CACNA1C: variants seen among roughly 807,000 people sequenced by gnomAD.
CACNA1C encodes voltage-dependent L-type calcium channel subunit alpha-1C.
A neutral mutation model predicts 229.0 loss-of-function variants in CACNA1C; 30 were observed. That is an observed-to-expected ratio of 0.13 (90% CI 0.10 to 0.18). The LOEUF (loss-of-function observed/expected upper bound fraction) is 0.18. CACNA1C is among the 10% of genes least tolerant of loss of function. CACNA1C has a pLI of 1.00. For synonymous variants in CACNA1C, 1,114 were observed against 1,132.5 expected (o/e 0.98, Z 0.33); for missense variants, 1,658 against 2,845.0 (o/e 0.58, Z 9.49).
intron 3 of CACNA1C, among the ~76,000 whole-genome samples, chr12:2,304,111 A>G (rs1050611307): frequency 1.3e-5 from 2 of 152,072 alleles, no homozygotes; most frequent in African/African-American, 2.4e-5. Context: ...GGTGCACAGG[A>G]CGGAGCAGGG....
intron 1 of CACNA1C, among the ~76,000 whole-genome samples, chr12:2,055,305 G>A (rs1487347752): frequency 1.3e-5 from 2 of 152,212 alleles, no homozygotes; most frequent in African/African-American, 4.8e-5. Flanking sequence ...CTCCCCTCCA[G>A]GTTCTGAGAC....
At chr12:2,051,482 G>C (rs140636895), upstream of CACNA1C, among the ~76,000 whole-genome samples, 3 of 152,332 alleles carry the variant, frequency 2.0e-5, no homozygotes, top group Non-Finnish European at 2.9e-5. Context: ...TCCGACTGCT[G>C]TATTGAGAAA....
At chr12:2,002,707 T>C (rs945598101) in intron 1 of CACNA1C, among the ~76,000 whole-genome samples, 2 of 152,216 alleles carry the variant, frequency 1.3e-5, no homozygotes, top group African/African-American at 2.4e-5. Context: ...TACAGAACTA[T>C]ACATCCCTGG....
At chr12:2,397,538 G>A (rs1036155966) in intron 3 of CACNA1C, among the ~76,000 whole-genome samples, 1 of 152,246 alleles carries the variant, frequency 6.6e-6, no homozygotes, top group Non-Finnish European at 1.5e-5. Context: ...TGATTGACTG[G>A]GTGGCCCTGG....
At chr12:1,999,110 A>C (rs1008275215) in intron 1 of CACNA1C, among the ~76,000 whole-genome samples, 3 of 152,188 alleles carry the variant, frequency 2.0e-5, no homozygotes, top group Non-Finnish European at 4.4e-5. Context: ...ACTTATTAGA[A>C]ATGCAAGCTC....
At chr12:2,380,543 G>T (rs115651188) in intron 3 of CACNA1C, among the ~76,000 whole-genome samples, 5,015 of 152,174 alleles carry the variant, frequency 0.033, 276 homozygotes, top group African/African-American at 0.11. Flanking sequence ...CTGGGAGCCC[G>T]GTACTGACCT....
intron 43 of CACNA1C, among the ~76,000 whole-genome samples, chr12:2,684,667 A>C (rs1429116736): frequency 6.6e-6 from 1 of 152,172 alleles, no homozygotes; most frequent in South Asian, 2.1e-4. Flanking sequence ...ACAGGCGTTC[A>C]GAGAAAGTTG....
rs1456076576 is a variant in CACNA1C at position 2,467,543 on chromosome 12, G to T, written c.757+9837G>T. Among the ~76,000 whole-genome samples, 3 of 152,196 alleles carry T rather than the reference G, an allele frequency of 2.0e-5. No individual in the cohort carries two copies. The highest frequency in any genetic ancestry group is 6.5e-5 in the Admixed American group (1 of 15,284). The stretch of plus-strand genomic sequence containing the variant: ...TCCCACCCAGGCAGCCTGGGGTTGT[G>T]CTCTGCAGATGGGGCAGAGCACCCT... On this transcript the variant is annotated intron_variant, in intron 5 of 46. Transcript: ENST00000399655. This position sits in a 1 kb window ranked among gnomAD's most constrained non-coding sequence, Gnocchi z 4.6.
Position 2,175,009 on chromosome 12 carries a change from G to A in CACNA1C, c.477+54579G>A, listed in dbSNP as rs907489769. Among the ~76,000 whole-genome samples, 8 of 152,232 alleles carry A rather than the reference G, an allele frequency of 5.3e-5. 1 individual carries two copies. Among genetic ancestry groups the A allele is most frequent in the East Asian group, 1.9e-4 (1 of 5,180 alleles). On this transcript the variant is annotated intron_variant, in intron 3 of 46. Coordinates refer to ENST00000399655, the MANE Select transcript of CACNA1C (RefSeq NM_000719.7). ...AGGTCTTGCCATCTCGGGTGGCAGA[G>A]GCAGAAGAAAATCCACATGTAAGTG...
intron 7 of CACNA1C, among the ~76,000 whole-genome samples, chr12:2,500,192 CA>C (rs1235375761): frequency 6.6e-6 from 1 of 152,200 alleles, no homozygotes; most frequent in East Asian, 1.9e-4. Flanking sequence ...GCCCACAGCC[CA>C]GGGGGGACCA....
chr12:2,506,792 ACT>A (rs1054635821), intron 8 of CACNA1C, among the ~76,000 whole-genome samples: 12 of 152,138 alleles, frequency 7.9e-5, no homozygotes, highest in African/African-American at 2.9e-4. Flanking sequence ...ACAGCTCAAG[ACT>A]TTTAAAAGAA....
chr12:2,313,971 A>G (rs2095558773), intron 3 of CACNA1C, among the ~76,000 whole-genome samples: 1 of 152,340 alleles, frequency 6.6e-6, no homozygotes, highest in Middle Eastern at 3.4e-3. Flanking sequence ...GAAAATATCA[A>G]CAGCCTGCCT....
At chr12:2,616,163 C>T (rs780062618) in intron 29 of CACNA1C, among the ~76,000 whole-genome samples, 9 of 152,146 alleles carry the variant, frequency 5.9e-5, no homozygotes, top group Non-Finnish European at 7.3e-5. Context: ...GGAGAATGGA[C>T]CCAGAGTGAA....
intron 29 of CACNA1C, 104 bp from the exon 30 acceptor site, chr12:2,634,193 C>CTT (rs2091857135): frequency 4.8e-6 from 2 of 415,644 alleles, no homozygotes; most frequent in South Asian, 8.1e-5. Context: ...TTTTTCCATA[C>CTT]CTTTTTTTTT....
At chr12:2,121,430 A>C (rs77998681) in intron 3 of CACNA1C, among the ~76,000 whole-genome samples, 3,248 of 151,310 alleles carry the variant, frequency 0.021, 58 homozygotes, top group Non-Finnish European at 0.035. Flanking sequence ...CCCTTTCAGC[A>C]AAAAAAAATA....
At chr12:2,332,818 C>A (rs546922256) in intron 3 of CACNA1C, among the ~76,000 whole-genome samples, 1 of 152,124 alleles carries the variant, frequency 6.6e-6, no homozygotes, top group African/African-American at 2.4e-5. Flanking sequence ...ATCCAAAATA[C>A]GCATTATAAA....
At chr12:2,114,877 T>C (rs2083222645) in intron 1 of CACNA1C, among the ~76,000 whole-genome samples, 1 of 152,260 alleles carries the variant, frequency 6.6e-6, no homozygotes, top group Admixed American at 6.5e-5. Flanking sequence ...CATGGGTTCT[T>C]AAAATATGTA....
At chr12:2,267,396 G>A (rs1292058732) in intron 3 of CACNA1C, among the ~76,000 whole-genome samples, 1 of 152,146 alleles carries the variant, frequency 6.6e-6, no homozygotes, top group African/African-American at 2.4e-5. Context: ...TAGGAACTAG[G>A]GAACAAAGCC....
intron 7 of CACNA1C, among the ~76,000 whole-genome samples, chr12:2,498,004 A>ACACACACACACACACACACACACAC (rs1598127973): frequency 1.7e-5 from 2 of 114,318 alleles, no homozygotes; most frequent in East Asian, 7.4e-4. Context: ...CACACACACA[A>ACACACACACACACACACACACACAC]CAGCTATTAA....
Sources: gnomAD v4.1 joint callset for allele counts (sites outside exome capture counted in the v4.1 genomes callset) on GRCh38, gnomAD v4.1.1 for gene constraint, Gnocchi (gnomAD v3.1) non-coding constraint, MANE v1.5 for transcripts, NCBI Gene and HGNC (gene_info 2026-07-23, HGNC 2026-07-21) for gene names.